C4orf50: variants seen among roughly 807,000 people sequenced by gnomAD.
The protein encoded by C4orf50 is chromosome 4 open reading frame 50, also known as uncharacterized protein C4orf50.
Under a neutral mutation model 77.2 loss-of-function variants are expected in C4orf50, and 80 were observed. The ratio of observed to expected loss-of-function variants is 1.04; its 90% CI spans 0.87 to 1.25. The LOEUF is 1.25. C4orf50 is among the 50% of genes most tolerant of loss of function. The pLI, the probability that C4orf50 is intolerant of heterozygous loss-of-function variation, is 0.00. For synonymous variants in C4orf50, 532 were observed against 465.3 expected, an observed-to-expected ratio of 1.14 and a Z score of -1.84; for missense variants, 1,257 against 1,152.9, an observed-to-expected ratio of 1.09 and a Z score of -1.31.
intron 25 of C4orf50, among the ~76,000 whole-genome samples, chr4:5,996,261 G>A (rs6446433): frequency 0.18 from 28,068 of 151,946 alleles, 2,784 homozygotes; most frequent in African/African-American, 0.22. Flanking sequence ...GGCCTGGATC[G>A]CTTGCCTGCT....
chr4:5,919,129 G>A lies in C4orf50; in HGVS notation c.*2475-20941C>T, dbSNP rs1184757223. 3.9e-5 allele frequency among the ~76,000 whole-genome samples: 6 copies of A among 152,224 alleles called. No individual in the cohort carries two copies. Among genetic ancestry groups the A allele is most frequent in the African/African-American group, 7.2e-5 (3 of 41,464 alleles). ...GGTGGGACATTGCTAGTGAGCGGTAGCGGGGAATGCTGGGGTGTGGGGGCA... is the reference window on the plus strand; with the variant it reads ...GGTGGGACATTGCTAGTGAGCGGTAACGGGGAATGCTGGGGTGTGGGGGCA... On this transcript the variant is annotated intron_variant, in intron 7 of 7. Coordinates refer to the C4orf50 transcript ENST00000324058. The surrounding 1 kb of genome is among the most constrained non-coding windows in gnomAD (Gnocchi z 6.5).
At position 5,970,265 on chromosome 4, in the gene C4orf50, A is replaced by C. The variant is rs532501145; in HGVS notation, c.4105-2803T>G. Reference sequence around the variant, plus strand: ...TCAAGGCGTCCAGGGGACAAGGCGGAATTAAGAACTCTAGAGAGGTTTTAG... The same window carrying C: ...TCAAGGCGTCCAGGGGACAAGGCGGCATTAAGAACTCTAGAGAGGTTTTAG... On this transcript the variant is annotated intron_variant, in intron 31 of 33. Coordinates refer to ENST00000531445, the Ensembl canonical transcript of C4orf50. The surrounding 1 kb of genome is among the most constrained non-coding windows in gnomAD (Gnocchi z 4.3). Among the ~76,000 whole-genome samples, 2 of 152,162 alleles carry C rather than the reference A, an allele frequency of 1.3e-5. No homozygotes were observed. The highest frequency in any genetic ancestry group is 1.3e-4 in the Admixed American group (2 of 15,298).
chr4:5,939,910 G>A (rs200570880), intron 7 of C4orf50, among the ~76,000 whole-genome samples: 2 of 152,294 alleles, frequency 1.3e-5, no homozygotes, highest in South Asian at 2.1e-4. Flanking sequence ...CCAGTCTACC[G>A]ACAACATGCA....
Position 5,960,432 on chromosome 4 carries a change from G to A in C4orf50, c.4276-806C>T, listed in dbSNP as rs1242183460. Among the ~76,000 whole-genome samples the A allele has an allele frequency of 2.6e-5, 4 of 152,312 alleles. 1 individual carries two copies. In the South Asian group the frequency reaches 6.2e-4, roughly 24 times the overall value. On this transcript the variant is annotated intron_variant, in intron 33 of 33. Transcript: ENST00000531445. ...CCAGACAGATGAGCAGAATGGAGCC[G>A]ACTTCTCCACCAGTTCCAGGAGGCA...
At position 5,973,357 on chromosome 4, in the gene C4orf50, C is replaced by T. The variant is rs1394026726; in HGVS notation, c.4104+302G>A. 2.0e-5 allele frequency among the ~76,000 whole-genome samples: 3 copies of T among 152,348 alleles called. No individual in the cohort carries two copies. In the South Asian group the frequency reaches 6.2e-4, roughly 32 times the overall value. ...GTGCACAGGTCCCGGCACAAAAGAC[C>T]CATCCTGTGACACACACCCAATGAA... On this transcript the variant is annotated intron_variant, in intron 31 of 33. Coordinates refer to ENST00000531445, the Ensembl canonical transcript of C4orf50.
At chr4:5,998,822 C>CA (rs1344568137) in intron 25 of C4orf50, among the ~76,000 whole-genome samples, 1 of 152,236 alleles carries the variant, frequency 6.6e-6, no homozygotes, top group Non-Finnish European at 1.5e-5. Context: ...GCCCAGTGCA[C>CA]ACTCATGGGA....
chr4:6,006,174 C>T (rs951138325), intron 25 of C4orf50, among the ~76,000 whole-genome samples: 2 of 152,076 alleles, frequency 1.3e-5, no homozygotes, highest in African/African-American at 2.4e-5. Flanking sequence ...CCGATGAAGC[C>T]GTTAATACAT....
intron 7 of C4orf50, among the ~76,000 whole-genome samples, chr4:5,951,367 C>G (rs1482011994): frequency 1.3e-5 from 2 of 152,022 alleles, no homozygotes; most frequent in Non-Finnish European, 2.9e-5. Context: ...GATTGTGAAG[C>G]AAGAGACACC....
intron 7 of C4orf50, among the ~76,000 whole-genome samples, chr4:5,924,699 G>T (rs1405099447): frequency 6.6e-6 from 1 of 152,240 alleles, no homozygotes; most frequent in African/African-American, 2.4e-5. Context: ...CTCCTGGGCT[G>T]GGAACTGAGA....
intron 7 of C4orf50, among the ~76,000 whole-genome samples, chr4:5,914,532 GC>G (rs556016455): frequency 6.6e-5 from 10 of 152,002 alleles, no homozygotes; most frequent in Admixed American, 1.3e-4. Context: ...TTTCTTAACT[GC>G]TTTTCTCTGT....
At chr4:5,952,783 C>A (rs564528336), downstream of C4orf50, among the ~76,000 whole-genome samples, 1 of 152,188 alleles carries the variant, frequency 6.6e-6, no homozygotes. The surrounding 1 kb of genome is among the most constrained non-coding windows in gnomAD (Gnocchi z 4.4). Context: ...GAGGAAGGAG[C>A]GTGCTCAGAG....
At chr4:6,004,180 TG>T (rs2108804652) in intron 25 of C4orf50, among the ~76,000 whole-genome samples, 1 of 125,412 alleles carries the variant, frequency 8.0e-6, no homozygotes, top group Admixed American at 8.4e-5. Flanking sequence ...ATGGTGATGA[TG>T]GTGATGGTGA....
chr4:6,002,470 G>C (rs1721873417), intron 25 of C4orf50, among the ~76,000 whole-genome samples: 1 of 152,234 alleles, frequency 6.6e-6, no homozygotes, highest in Non-Finnish European at 1.5e-5. Context: ...TGCCTTGCCT[G>C]TTTCCTCAAG....
At chr4:6,010,275 G>A (rs976417772) in intron 24 of C4orf50, among the ~76,000 whole-genome samples, 6 of 152,176 alleles carry the variant, frequency 3.9e-5, no homozygotes, top group Admixed American at 1.3e-4. Flanking sequence ...CTATGAGCCA[G>A]GGAGAAGTAA....
chr4:6,017,601 C>G lies in C4orf50; in HGVS notation c.287+544G>C, dbSNP rs998086965. Among the ~76,000 whole-genome samples, 1 of 152,186 alleles carries G rather than the reference C, an allele frequency of 6.6e-6. No individual in the cohort carries two copies. The highest frequency in any genetic ancestry group is 2.4e-5 in the African/African-American group (1 of 41,452). On this transcript the variant is annotated intron_variant, in intron 23 of 33. Transcript: ENST00000531445. This position sits in a 1 kb window ranked among gnomAD's most constrained non-coding sequence, Gnocchi z 4.7. ...GATGCCTGTAGCCACCTATGCAAGC[C>G]TTCCAGAGCACACATGCTTTTTCCC...
intron 25 of C4orf50, among the ~76,000 whole-genome samples, chr4:5,996,788 G>A (rs1416819093): frequency 6.6e-6 from 1 of 152,180 alleles, no homozygotes; most frequent in East Asian, 1.9e-4. Context: ...TTAACCCTGA[G>A]GGCCTGGGCA....
At chr4:5,953,542 G>A (rs893920063), downstream of C4orf50, among the ~76,000 whole-genome samples, 1 of 152,210 alleles carries the variant, frequency 6.6e-6, no homozygotes, top group African/African-American at 2.4e-5. Context: ...AGGACTCAGT[G>A]ACAGCAGTAT....
chr4:5,917,185 T>A (rs946858217), intron 7 of C4orf50, among the ~76,000 whole-genome samples: 4 of 152,106 alleles, frequency 2.6e-5, no homozygotes, highest in African/African-American at 9.7e-5. Context: ...AGTCATTGAG[T>A]AACTTGTCTA....
At chr4:5,979,854 C>A (rs1314420845) in intron 29 of C4orf50, among the ~76,000 whole-genome samples, 1 of 152,230 alleles carries the variant, frequency 6.6e-6, no homozygotes, top group Non-Finnish European at 1.5e-5. Flanking sequence ...TTTGCACCTG[C>A]ACCACTGTAT....
Sources: allele counts gnomAD v4.1 joint callset (sites outside exome capture counted in the v4.1 genomes callset), GRCh38; gene constraint gnomAD v4.1.1; non-coding constraint Gnocchi (gnomAD v3.1); transcripts MANE v1.5; gene names NCBI Gene and HGNC (gene_info 2026-07-23, HGNC 2026-07-21).